DOK6: variants seen among roughly 807,000 people sequenced by gnomAD.
DOK6 encodes docking protein 6, also known as downstream of tyrosine kinase 6.
A neutral mutation model predicts 44.0 loss-of-function variants in DOK6; 22 were observed. The ratio of observed to expected loss-of-function variants is 0.50; its 90% CI spans 0.36 to 0.71. The LOEUF is 0.71. Among genes scored for constraint, DOK6 ranks in the 30% least tolerant of loss-of-function variants. DOK6 has a pLI of 0.00. For missense variants in DOK6, 340 were observed against 416.4 expected, an observed-to-expected ratio of 0.82 and a Z score of 1.60; for synonymous variants, 166 against 145.5, an observed-to-expected ratio of 1.14 and a Z score of -1.01.
chr18:69,475,528 G>A lies in DOK6; in HGVS notation c.66+74218G>A, dbSNP rs892361555. ...AGAGAAATTCAGCATTTTCTGTGCT[G>A]CCAAACATTGCTGAACATACTTTCC... On this transcript the variant is annotated intron_variant, in intron 1 of 7. Coordinates refer to ENST00000382713, the MANE Select transcript of DOK6 (RefSeq NM_152721.6). 3.3e-5 allele frequency among the ~76,000 whole-genome samples: 5 copies of A among 152,130 alleles called. No homozygotes were observed. In the East Asian group the frequency reaches 5.8e-4, roughly 18 times the overall value.
intron 2 of DOK6, among the ~76,000 whole-genome samples, chr18:69,591,273 TA>T (rs1279268961): frequency 1.3e-5 from 2 of 152,188 alleles, no homozygotes; most frequent in East Asian, 3.8e-4. Flanking sequence ...TTCTGCTGTA[TA>T]CTGATATGGG....
chr18:69,506,904 T>TAC (rs201321232), intron 1 of DOK6, among the ~76,000 whole-genome samples: 11 of 151,754 alleles, frequency 7.2e-5, no homozygotes, highest in African/African-American at 1.5e-4. Context: ...TGTACATATA[T>TAC]ACACACACAC....
At chr18:69,700,270 G>C (rs1271511443) in intron 5 of DOK6, among the ~76,000 whole-genome samples, 2 of 143,736 alleles carry the variant, frequency 1.4e-5, no homozygotes, top group Non-Finnish European at 3.0e-5. Flanking sequence ...TGTCGGGGTT[G>C]GGGTTTTGTT....
In DOK6 at chr18:69,423,037, C is replaced by G. The variant is rs902776235; in HGVS notation, c.66+21727C>G. On this transcript the variant is annotated intron_variant, in intron 1 of 7. Transcript: ENST00000382713. ...AGAAAAATGTGGCCAGGCGCAGTGGCTCACAGATGTAATCCCGGGACTTTG... is the reference window on the plus strand; with the variant it reads ...AGAAAAATGTGGCCAGGCGCAGTGGGTCACAGATGTAATCCCGGGACTTTG... Among the ~76,000 whole-genome samples the G allele has an allele frequency of 4.6e-5, 7 of 152,274 alleles. No individual in the cohort carries two copies. The East Asian group carries it at 1.4e-3, about 29-fold the overall frequency.
At chr18:69,588,725 T>C (rs993358611) in intron 2 of DOK6, among the ~76,000 whole-genome samples, 3 of 152,064 alleles carry the variant, frequency 2.0e-5, no homozygotes, top group Admixed American at 6.6e-5. Context: ...AGTGAAGGAA[T>C]TGGAGCTGGA....
At chr18:69,618,163 A>C (rs1182915574) in intron 3 of DOK6, among the ~76,000 whole-genome samples, 1 of 152,200 alleles carries the variant, frequency 6.6e-6, no homozygotes, top group Non-Finnish European at 1.5e-5. Flanking sequence ...AGAAGAAGCC[A>C]ACCATGCACT....
rs188354190 is a variant in DOK6, at chr18:69,685,821, G to A, written c.409+7968G>A. On this transcript the variant is annotated intron_variant, in intron 4 of 7. Coordinates refer to ENST00000382713, the MANE Select transcript of DOK6 (RefSeq NM_152721.6). ...TGCGTTATAATTTTAACATCTTTTT[G>A]TAGTACGGTGGCAACCTTTGCATTC... Among the ~76,000 whole-genome samples the A allele has an allele frequency of 4.1e-4, 62 of 152,236 alleles. 1 individual carries two copies. The highest frequency in any genetic ancestry group is 1.4e-3 in the African/African-American group (59 of 41,544).
At position 69,401,349 on chromosome 18, in the gene DOK6, G is replaced by C. The variant is rs997294549; in HGVS notation, c.66+39G>C. On this transcript the variant is annotated intron_variant, in intron 1 of 7. Transcript: ENST00000382713. ...TCGGCTTGCTCCTTCCCCGGCGCTC[G>C]TTCGGCCCGGCTGGCTGCCTGGGGG... 18 of 1,450,468 alleles carry C rather than the reference G, an allele frequency of 1.2e-5. No homozygotes were observed. In the African/African-American group the frequency reaches 1.5e-4, roughly 12 times the overall value. 89.8% of individuals were successfully genotyped at this position (1,450,468 alleles called of 1,614,324 possible).
intron 2 of DOK6, among the ~76,000 whole-genome samples, chr18:69,566,996 A>T (rs1326138005): frequency 6.6e-6 from 1 of 152,206 alleles, no homozygotes. Context: ...GCTCAGAGCT[A>T]AGGAAAATGC....
intron 3 of DOK6, among the ~76,000 whole-genome samples, chr18:69,606,327 A>C (rs1983995834): frequency 6.7e-6 from 1 of 149,484 alleles, no homozygotes; most frequent in Admixed American, 6.7e-5. Flanking sequence ...TAAATAAATA[A>C]AATTCCCAAG....
chr18:69,725,642 C>G (rs138131416), intron 5 of DOK6, among the ~76,000 whole-genome samples: 28 of 152,194 alleles, frequency 1.8e-4, no homozygotes, highest in Admixed American at 1.5e-3. Flanking sequence ...TGTGAGCCAC[C>G]ACATCCAGCC....
chr18:69,841,276 G>A lies in DOK6; in HGVS notation c.889G>A (p.Ala297Thr), dbSNP rs578008117. 2 of 1,614,174 alleles carry A rather than the reference G, an allele frequency of 1.2e-6. No homozygotes were observed. Among genetic ancestry groups the A allele is most frequent in the African/African-American group, 1.3e-5 (1 of 75,044 alleles). Residue 297 changes from alanine (A) to threonine (T), a missense_variant, in exon 8 of 8, where the codon GCA becomes ACA. Physicochemically the swap from Ala to Thr is moderately conservative, Grantham distance 58. Around this residue, in one of 3 missense-constraint regions of DOK6, gnomAD observed 112 missense variants for 109.3 expected, o/e 1.02. Coordinates refer to ENST00000382713, the MANE Select transcript of DOK6 (RefSeq NM_152721.6). The stretch of plus-strand genomic sequence containing the variant: ...GTTTGGTTCGTCAAAGATGTCTCGT[G>A]CACAGACATTTCCCAGCTACGCCCC... Reference protein sequence around the residue: ...HGFGSSKMSRAQTFPSYAPEQ... With the variant: ...HGFGSSKMSRTQTFPSYAPEQ...
chr18:69,567,446 GAAGA>G (rs1047143778), intron 2 of DOK6, among the ~76,000 whole-genome samples: 3 of 151,590 alleles, frequency 2.0e-5, no homozygotes, highest in Non-Finnish European at 2.9e-5. Context: ...ATCATTCCAA[GAAGA>G]AAGAAAAATT....
At chr18:69,691,335 C>A (rs1986262573) in intron 4 of DOK6, among the ~76,000 whole-genome samples, 1 of 152,040 alleles carries the variant, frequency 6.6e-6, no homozygotes. Flanking sequence ...AAAGATAATT[C>A]ATTGAAAGTC....
At chr18:69,670,405 T>TTA (rs1429231899) in intron 3 of DOK6, among the ~76,000 whole-genome samples, 10 of 152,166 alleles carry the variant, frequency 6.6e-5, no homozygotes, top group African/African-American at 2.4e-4. Flanking sequence ...TTTTGGGGTC[T>TTA]TAGGAAAGTA....
intron 5 of DOK6, among the ~76,000 whole-genome samples, chr18:69,720,604 A>G (rs529272448): frequency 8.2e-4 from 125 of 152,196 alleles, no homozygotes; most frequent in Non-Finnish European, 1.5e-3. Flanking sequence ...CACGATTTAC[A>G]TGGATATAAT....
At chr18:69,551,300 GCTAT>G (rs1326998695) in intron 1 of DOK6, among the ~76,000 whole-genome samples, 1 of 152,108 alleles carries the variant, frequency 6.6e-6, no homozygotes, top group Non-Finnish European at 1.5e-5. Context: ...TTGTGCCTGG[GCTAT>G]CTAATAATCA....
At chr18:69,659,299 G>A (rs1275168956) in intron 3 of DOK6, among the ~76,000 whole-genome samples, 5 of 152,220 alleles carry the variant, frequency 3.3e-5, no homozygotes, top group African/African-American at 4.8e-5. Flanking sequence ...TGCTGTGCAC[G>A]TCTACGTGTG....
intron 3 of DOK6, among the ~76,000 whole-genome samples, chr18:69,611,801 T>G (rs547015596): frequency 4.6e-5 from 7 of 152,298 alleles, no homozygotes; most frequent in African/African-American, 1.7e-4. Context: ...AGATTAGTAG[T>G]TGCCAAAAGT....
Sources: allele counts gnomAD v4.1 joint callset (sites outside exome capture counted in the v4.1 genomes callset), GRCh38; gene constraint gnomAD v4.1.1; regional missense constraint gnomAD v4.1.1; transcripts MANE v1.5; gene names NCBI Gene and HGNC (gene_info 2026-07-23, HGNC 2026-07-21).